SHISA9: variants seen among roughly 807,000 people sequenced by gnomAD.
SHISA9 encodes the protein shisa family member 9.
Under a neutral mutation model 38.0 loss-of-function variants are expected in SHISA9, and 13 were observed. The observed-to-expected ratio is 0.34, with a 90% CI of 0.22 to 0.54. The LOEUF (loss-of-function observed/expected upper bound fraction) is 0.54, where lower values mean the gene tolerates loss of function less well. Among genes scored for constraint, SHISA9 ranks in the 20% least tolerant of loss-of-function variants. The pLI, the probability that SHISA9 is intolerant of heterozygous loss-of-function variation, is 0.91. For missense variants in SHISA9, 538 were observed against 575.8 expected, an observed-to-expected ratio of 0.93 and a Z score of 0.67; for synonymous variants, 275 against 242.0, an observed-to-expected ratio of 1.14 and a Z score of -1.27.
intron 2 of SHISA9, among the ~76,000 whole-genome samples, chr16:12,955,032 A>T (rs2071810288): frequency 6.6e-6 from 1 of 151,874 alleles, no homozygotes; most frequent in South Asian, 2.1e-4. Flanking sequence ...TAGATGACAA[A>T]ACTGAAGCCA....
chr16:13,168,944 G>A (rs1003050678), intron 2 of SHISA9, among the ~76,000 whole-genome samples: 2 of 152,198 alleles, frequency 1.3e-5, no homozygotes, highest in African/African-American at 2.4e-5. Flanking sequence ...GGAACACTTT[G>A]CTCAGTGAGT....
At chr16:13,026,391 C>A (rs1345884524) in intron 2 of SHISA9, among the ~76,000 whole-genome samples, 1 of 152,158 alleles carries the variant, frequency 6.6e-6, no homozygotes, top group East Asian at 1.9e-4. Flanking sequence ...ATGTGTCTTA[C>A]GTAACAGGAT....
At chr16:13,117,662 G>A (rs1039675720) in intron 2 of SHISA9, among the ~76,000 whole-genome samples, 1 of 152,204 alleles carries the variant, frequency 6.6e-6, no homozygotes, top group African/African-American at 2.4e-5. Flanking sequence ...GAGGAGACAA[G>A]GGATGGGTTC....
the SHISA9 span, among the ~76,000 whole-genome samples, chr16:13,457,045 G>T: frequency 6.3e-4 from 96 of 152,312 alleles, no homozygotes; most frequent in African/African-American, 2.3e-3. Context: ...AGTGGCTCAC[G>T]CCCATAATCC....
At chr16:13,097,200 C>A (rs1186602410) in intron 2 of SHISA9, among the ~76,000 whole-genome samples, 1 of 152,144 alleles carries the variant, frequency 6.6e-6, no homozygotes, top group Middle Eastern at 3.2e-3. Flanking sequence ...TACCTAGTTT[C>A]TCTCCTTCAT....
chr16:13,206,299 C>T (rs563602956), intron 3 of SHISA9, among the ~76,000 whole-genome samples: 4 of 152,322 alleles, frequency 2.6e-5, no homozygotes, highest in Admixed American at 1.3e-4. Context: ...AAACCATATA[C>T]TTTCTTTTAT....
the SHISA9 span, among the ~76,000 whole-genome samples, chr16:13,511,395 G>A: frequency 3.1e-3 from 472 of 152,244 alleles, 2 homozygotes; most frequent in African/African-American, 0.011. Flanking sequence ...CCTATTTCCT[G>A]GCTGCATTTG....
the SHISA9 span, among the ~76,000 whole-genome samples, chr16:13,433,892 AG>A: frequency 1.3e-5 from 2 of 152,198 alleles, no homozygotes; most frequent in South Asian, 4.1e-4. Context: ...TGTATTAGTC[AG>A]GGTTCCCTAG....
intron 2 of SHISA9, among the ~76,000 whole-genome samples, chr16:13,096,772 G>A (rs9924882): frequency 0.2 from 29,622 of 151,836 alleles, 5,353 homozygotes; most frequent in African/African-American, 0.47. Context: ...TTGATGTTTC[G>A]TGAACATCTA....
chr16:13,312,288 G>C, the SHISA9 span, among the ~76,000 whole-genome samples: 1 of 152,166 alleles, frequency 6.6e-6, no homozygotes, highest in Non-Finnish European at 1.5e-5. Context: ...CAGACAGTGG[G>C]CCAGATGTGG....
intron 2 of SHISA9, among the ~76,000 whole-genome samples, chr16:12,925,114 A>G (rs1052291135): frequency 9.2e-5 from 14 of 152,242 alleles, no homozygotes; most frequent in African/African-American, 3.1e-4. Context: ...TTGTCTTCAC[A>G]GTGAAAATGT....
intron 2 of SHISA9, among the ~76,000 whole-genome samples, chr16:13,132,400 A>C (rs2050313821): frequency 6.6e-6 from 1 of 152,130 alleles, no homozygotes; most frequent in African/African-American, 2.4e-5. Flanking sequence ...TCATGTATTT[A>C]CTGCTTTTAA....
At chr16:13,105,437 C>G (rs1209327655) in intron 2 of SHISA9, among the ~76,000 whole-genome samples, 2 of 152,176 alleles carry the variant, frequency 1.3e-5, no homozygotes, top group African/African-American at 4.8e-5. Context: ...GTCTTCTGGT[C>G]TTCCCGGGCT....
chr16:13,439,500 G>A, the SHISA9 span, among the ~76,000 whole-genome samples: 5 of 152,062 alleles, frequency 3.3e-5, no homozygotes, highest in South Asian at 1.0e-3. Flanking sequence ...ATTTTTGTTT[G>A]TCTATTGTAC....
intron 2 of SHISA9, among the ~76,000 whole-genome samples, chr16:13,149,994 T>C (rs1352602623): frequency 8.7e-6 from 1 of 115,500 alleles, no homozygotes; most frequent in Non-Finnish European, 1.8e-5. Context: ...GCCCAGTATA[T>C]AGGAAATGCT....
chr16:13,237,968 T>C lies in SHISA9; in HGVS notation c.*2559T>C, dbSNP rs2051401813. ...TTGTTTTTAAAATGAAAACTTCCTGTCTTCATCACAAATTTAAAAAAAATC... is the reference window on the plus strand; with the variant it reads ...TTGTTTTTAAAATGAAAACTTCCTGCCTTCATCACAAATTTAAAAAAAATC... On this transcript the variant is annotated 3_prime_UTR_variant, in exon 5 of 5. Coordinates refer to ENST00000558583, the MANE Select transcript of SHISA9 (RefSeq NM_001145204.3). 6.6e-6 allele frequency: 1 copy of C among 152,170 alleles called. No individual in the cohort carries two copies. Among genetic ancestry groups the C allele is most frequent in the Non-Finnish European group, 1.5e-5 (1 of 68,036 alleles). 9.4% of individuals were successfully genotyped at this position (152,170 alleles called of 1,614,324 possible).
intron 2 of SHISA9, among the ~76,000 whole-genome samples, chr16:13,100,851 G>A (rs1159765044): frequency 1.3e-5 from 2 of 152,144 alleles, no homozygotes; most frequent in African/African-American, 4.8e-5. Flanking sequence ...GGGATTACAG[G>A]CATGAGCCAC....
chr16:13,459,585 AC>A, the SHISA9 span, among the ~76,000 whole-genome samples: 2 of 152,112 alleles, frequency 1.3e-5, no homozygotes, highest in African/African-American at 4.8e-5. Flanking sequence ...TCTAGGACCC[AC>A]CTCAAAAACA....
the SHISA9 span, among the ~76,000 whole-genome samples, chr16:13,519,203 C>G: frequency 6.6e-6 from 1 of 152,046 alleles, no homozygotes; most frequent in Non-Finnish European, 1.5e-5. Flanking sequence ...TAATGCTCAT[C>G]AAATAAAACA....
Sources: allele counts gnomAD v4.1 joint callset (sites outside exome capture counted in the v4.1 genomes callset), GRCh38; gene constraint gnomAD v4.1.1; transcripts MANE v1.5; gene names NCBI Gene and HGNC (gene_info 2026-07-23, HGNC 2026-07-21).